Variants in KDM5A observed in about 807,000 individuals in gnomAD.
The protein encoded by KDM5A is lysine demethylase 5A.
Under a neutral mutation model 193.5 loss-of-function variants are expected in KDM5A, and 42 were observed. The ratio of observed to expected loss-of-function variants is 0.22; its 90% CI spans 0.17 to 0.28. The LOEUF (loss-of-function observed/expected upper bound fraction) is 0.28. Ranked by LOEUF, KDM5A falls within the 10% of genes least tolerant of loss-of-function variation. The pLI, the probability that KDM5A is intolerant of heterozygous loss-of-function variation, is 1.00. For synonymous variants in KDM5A, 796 were observed against 718.1 expected (o/e 1.11, Z -1.73); for missense variants, 1,692 against 2,055.1 (o/e 0.82, Z 3.42).
intron 10 of KDM5A, among the ~76,000 whole-genome samples, chr12:342,711 C>T (rs938340968): frequency 6.6e-6 from 1 of 151,604 alleles, no homozygotes; most frequent in Non-Finnish European, 1.5e-5. Context: ...ATTCACCTGC[C>T]TCGGCCTCCC....
intron 10 of KDM5A, among the ~76,000 whole-genome samples, chr12:348,590 G>A (rs559199873): frequency 5.9e-5 from 9 of 152,236 alleles, no homozygotes; most frequent in East Asian, 3.9e-4. Context: ...CAGAAAAAAC[G>A]ATGAGTTCAT....
intron 24 of KDM5A, among the ~76,000 whole-genome samples, chr12:305,843 T>A (rs1370877426): frequency 1.3e-5 from 2 of 152,202 alleles, no homozygotes; most frequent in Non-Finnish European, 2.9e-5. Flanking sequence ...ATTTGTTGTA[T>A]CTGCAACTGG....
At position 310,997 on chromosome 12, in the gene KDM5A, A is replaced by T; in HGVS notation, c.3104T>A (p.Val1035Glu). The change falls in exon 21 of 28, where the codon GTG (valine) becomes GAG (glutamate). Residue 1035 changes from valine (V) to glutamate (E), a missense_variant. Coordinates refer to ENST00000399788, the MANE Select transcript of KDM5A (RefSeq NM_001042603.3). Reference protein sequence around the residue: ...SLSAKGRPIPVRLEALPQVES... With the variant: ...SLSAKGRPIPERLEALPQVES... ...CACTTGCGGCAGTGCTTCAAGACGC[A>T]CAGGAATAGGGCGTCCTTTCGCAGA... 1 of 1,614,204 alleles carries T rather than the reference A, an allele frequency of 6.2e-7. No homozygotes were observed. The highest frequency in any genetic ancestry group is 8.5e-7 in the Non-Finnish European group (1 of 1,180,028).
chr12:353,494 A>G (rs1944188865), intron 8 of KDM5A, among the ~76,000 whole-genome samples: 1 of 152,204 alleles, frequency 6.6e-6, no homozygotes, highest in African/African-American at 2.4e-5. Flanking sequence ...TTGCCCAGCA[A>G]TATTTATTCT....
chr12:388,812 G>A, intron 1 of KDM5A, 115 bp downstream of exon 1: 7 of 1,278,834 alleles, frequency 5.5e-6, no homozygotes, highest in Non-Finnish European at 8.0e-6. Context: ...GGCTCCAGTT[G>A]TCTCAAAAGA....
intron 5 of KDM5A, among the ~76,000 whole-genome samples, chr12:359,006 CA>C (rs1382878051): frequency 7.1e-6 from 1 of 140,936 alleles, no homozygotes; most frequent in Non-Finnish European, 1.6e-5. Context: ...TAAAAAAAAA[CA>C]ATAAAAAGAC....
chr12:387,505 G>C (rs751271862), intron 1 of KDM5A, among the ~76,000 whole-genome samples: 1 of 152,148 alleles, frequency 6.6e-6, no homozygotes, highest in Non-Finnish European at 1.5e-5. Context: ...GGGTTAAATG[G>C]AAGTTTTTGG....
intron 19 of KDM5A, 123 bp from the exon 20 acceptor site, chr12:313,317 G>T: frequency 9.2e-7 from 1 of 1,087,816 alleles, no homozygotes; most frequent in Non-Finnish European, 1.4e-6. Flanking sequence ...TCCTATAAGG[G>T]AGGCAAAGCA....
chr12:332,047 A>G lies in KDM5A; in HGVS notation c.1654-109T>C, dbSNP rs1458259296. On this transcript the variant is annotated intron_variant, in intron 12 of 27. Transcript: ENST00000399788. Reference sequence around the variant, plus strand: ...AGATGCATTTTCTAAAACTGAAAACAATAAAGCATTAAGTTACACATATCA... The same window carrying G: ...AGATGCATTTTCTAAAACTGAAAACGATAAAGCATTAAGTTACACATATCA... The G allele has an allele frequency of 3.8e-6, 4 of 1,048,732 alleles. No homozygotes were observed. The East Asian group carries it at 7.9e-5, about 21-fold the overall frequency. The allele number at this position is 1,048,732 out of a possible 1,614,324, so 65.0% of individuals were successfully genotyped here. A position where few individuals can be genotyped will look rare whatever the true frequency, so the allele number is the denominator to read the frequency against.
intron 10 of KDM5A, among the ~76,000 whole-genome samples, chr12:335,021 TAAC>T (rs1943911134): frequency 6.6e-6 from 1 of 151,796 alleles, no homozygotes; most frequent in African/African-American, 2.4e-5. Flanking sequence ...GGATAAATTA[TAAC>T]AATAAGACTG....
At chr12:303,109 T>C (rs1010066726) in intron 24 of KDM5A, among the ~76,000 whole-genome samples, 1 of 152,134 alleles carries the variant, frequency 6.6e-6, no homozygotes, top group Non-Finnish European at 1.5e-5. Flanking sequence ...ACTCTGGCAA[T>C]TCCTCAAGAA....
chr12:341,173 A>G (rs1031226812), intron 10 of KDM5A, among the ~76,000 whole-genome samples: 1 of 152,208 alleles, frequency 6.6e-6, no homozygotes, highest in Non-Finnish European at 1.5e-5. Flanking sequence ...GGCAAAAGCT[A>G]AAAAATGAAG....
chr12:355,313 C>CA (rs2137456778), intron 6 of KDM5A, 64 bp from the exon 7 acceptor site: 2 of 879,182 alleles, frequency 2.3e-6, no homozygotes, highest in East Asian at 4.8e-5. Flanking sequence ...ATGGACCAGA[C>CA]ACTATTTAAA....
chr12:284,336 A>T lies in KDM5A; in HGVS notation c.*1120T>A, dbSNP rs1010482175. On this transcript the variant is annotated 3_prime_UTR_variant, in exon 28 of 28. Transcript: ENST00000399788. The stretch of plus-strand genomic sequence containing the variant: ...TAAAAACAAGTCCTTTTTTTTTTTT[A>T]AAAATGGATTTACTAAAACAACTTC... The T allele has an allele frequency of 4.2e-4, 94 of 225,426 alleles. No homozygotes were observed. Among genetic ancestry groups the T allele is most frequent in the South Asian group, 3.3e-3 (18 of 5,446 alleles). 14.0% of individuals were successfully genotyped at this position (225,426 alleles called of 1,614,324 possible).
At chr12:303,066 T>A (rs982439420) in intron 24 of KDM5A, among the ~76,000 whole-genome samples, 21 of 152,206 alleles carry the variant, frequency 1.4e-4, no homozygotes, top group Admixed American at 1.2e-3. Context: ...ACACTGTTGG[T>A]GGGAGTGTCA....
chr12:388,471 T>C (rs993911414), intron 1 of KDM5A: 4 of 379,424 alleles, frequency 1.1e-5, no homozygotes, highest in Non-Finnish European at 2.1e-5. Flanking sequence ...TGTCTAGTAA[T>C]ACCATCCGGT....
chr12:344,851 G>C (rs1283154542), intron 10 of KDM5A, among the ~76,000 whole-genome samples: 1 of 152,144 alleles, frequency 6.6e-6, no homozygotes, highest in Non-Finnish European at 1.5e-5. Flanking sequence ...TGAAGAAACT[G>C]CATCAATTCA....
chr12:349,250 C>T (rs1173401633), intron 10 of KDM5A, among the ~76,000 whole-genome samples: 3 of 151,284 alleles, frequency 2.0e-5, no homozygotes, highest in African/African-American at 7.3e-5. Context: ...AAAATCCTGA[C>T]TTCAGGTGAT....
At chr12:376,393 A>G (rs913506334) in intron 3 of KDM5A, among the ~76,000 whole-genome samples, 5 of 152,202 alleles carry the variant, frequency 3.3e-5, no homozygotes, top group Non-Finnish European at 5.9e-5. Context: ...TGCAGGATAT[A>G]ATCTCCTGGT....
Sources: allele counts gnomAD v4.1 joint callset (sites outside exome capture counted in the v4.1 genomes callset), GRCh38; gene constraint gnomAD v4.1.1; transcripts MANE v1.5; gene names NCBI Gene and HGNC (gene_info 2026-07-23, HGNC 2026-07-21).